The following SUGCT variants were observed in gnomAD, a reference collection of about 807,000 sequenced individuals.
SUGCT encodes the protein succinyl-CoA:glutarate-CoA transferase.
Under a neutral mutation model 55.0 loss-of-function variants are expected in SUGCT, and 41 were observed. The ratio of observed to expected loss-of-function variants is 0.74; its 90% CI spans 0.58 to 0.97. The LOEUF is 0.97. Among genes scored for constraint, SUGCT ranks in the 50% least tolerant of loss-of-function variants. The pLI, the probability that SUGCT is intolerant of heterozygous loss-of-function variation, is 0.00. For synonymous variants in SUGCT, 187 were observed against 200.4 expected (o/e 0.93, Z 0.56); for missense variants, 568 against 547.8 (o/e 1.04, Z -0.37).
intron 13 of SUGCT, among the ~76,000 whole-genome samples, chr7:40,848,416 T>C (rs1793687423): frequency 6.6e-6 from 1 of 152,178 alleles, no homozygotes; most frequent in Non-Finnish European, 1.5e-5. Context: ...GCTGTGTCTA[T>C]GGCTCGTGTT....
chr7:40,377,705 G>A (rs935908760), intron 9 of SUGCT, among the ~76,000 whole-genome samples: 22 of 152,192 alleles, frequency 1.4e-4, no homozygotes, highest in Admixed American at 1.4e-3. Context: ...CTTTATTTAT[G>A]TGGATTTTAG....
At chr7:40,930,246 T>C in the SUGCT span, among the ~76,000 whole-genome samples, 1 of 152,234 alleles carries the variant, frequency 6.6e-6, no homozygotes, top group Non-Finnish European at 1.5e-5. Context: ...AGTGGTGTTA[T>C]TTCTGAGGCC....
chr7:40,739,414 G>A (rs1194574293), intron 12 of SUGCT, among the ~76,000 whole-genome samples: 2 of 152,180 alleles, frequency 1.3e-5, no homozygotes, highest in African/African-American at 4.8e-5. Flanking sequence ...AGGTTGTTGT[G>A]TGAATCAATA....
rs140021766 is a variant in SUGCT, at chr7:40,789,251, A to G, written c.1153+39754A>G. On this transcript the variant is annotated intron_variant, in intron 13 of 13. Coordinates refer to ENST00000335693, the MANE Select transcript of SUGCT (RefSeq NM_001193313.2). Reference sequence around the variant, plus strand: ...CATAATTGAAACTTTATGCCCATTGATTAGCAATTTCCCATTCCCCTCCCT... The same window carrying G: ...CATAATTGAAACTTTATGCCCATTGGTTAGCAATTTCCCATTCCCCTCCCT... Among the ~76,000 whole-genome samples, 524 of 152,256 alleles carry G rather than the reference A, an allele frequency of 3.4e-3. 2 individuals carry two copies. The highest frequency in any genetic ancestry group is 0.02 in the Middle Eastern group (6 of 294).
the SUGCT span, among the ~76,000 whole-genome samples, chr7:40,985,418 C>T: frequency 6.6e-6 from 1 of 152,024 alleles, no homozygotes; most frequent in African/African-American, 2.4e-5. Context: ...GGAAATGACA[C>T]GACTTGAGTG....
intron 1 of SUGCT, among the ~76,000 whole-genome samples, chr7:40,149,251 C>T (rs1196979464): frequency 6.6e-6 from 1 of 152,176 alleles, no homozygotes; most frequent in African/African-American, 2.4e-5. Context: ...CTTCCTGAAA[C>T]CGCCTTTGCA....
At chr7:40,153,200 A>G in intron 1 of SUGCT, 1 of 356,300 alleles carries the variant, frequency 2.8e-6, no homozygotes, top group Non-Finnish European at 5.4e-6. Context: ...CCAGCCATCA[A>G]AGGAGATAGC....
intron 1 of SUGCT, among the ~76,000 whole-genome samples, chr7:40,179,489 G>A (rs1785079892): frequency 6.6e-6 from 1 of 152,036 alleles, no homozygotes; most frequent in African/African-American, 2.4e-5. Context: ...GACAGGGTTG[G>A]CCAGGCTGGT....
At chr7:40,256,232 T>A (rs1453597704) in intron 7 of SUGCT, among the ~76,000 whole-genome samples, 1 of 152,122 alleles carries the variant, frequency 6.6e-6, no homozygotes, top group Non-Finnish European at 1.5e-5. Context: ...CATTTTTGGG[T>A]TGTGGATTAA....
intron 8 of SUGCT, among the ~76,000 whole-genome samples, chr7:40,288,496 T>C (rs1793501074): frequency 6.6e-6 from 1 of 152,126 alleles, no homozygotes; most frequent in South Asian, 2.1e-4. Flanking sequence ...TTTTTTTTCT[T>C]GGATAAAAAC....
chr7:40,960,989 GTTC>G, the SUGCT span, among the ~76,000 whole-genome samples: 1 of 152,276 alleles, frequency 6.6e-6, no homozygotes, highest in South Asian at 2.1e-4. Flanking sequence ...GAAGTTGCAT[GTTC>G]TTCTTAAAAG....
intron 6 of SUGCT, among the ~76,000 whole-genome samples, chr7:40,220,675 C>A (rs1787968988): frequency 6.6e-6 from 1 of 152,214 alleles, no homozygotes; most frequent in South Asian, 2.1e-4. Flanking sequence ...CACAATTCCA[C>A]AAATACATAG....
intron 12 of SUGCT, among the ~76,000 whole-genome samples, chr7:40,539,993 T>C (rs1285772812): frequency 6.6e-6 from 1 of 152,198 alleles, no homozygotes; most frequent in East Asian, 1.9e-4. Flanking sequence ...GTTTTCCTAC[T>C]GGTTTGAGGT....
chr7:40,328,475 G>T (rs1796124093), intron 9 of SUGCT, among the ~76,000 whole-genome samples: 1 of 152,130 alleles, frequency 6.6e-6, no homozygotes, highest in African/African-American at 2.4e-5. Context: ...ACAGAGCTGG[G>T]ATGGGAAGGA....
chr7:41,028,628 T>C, the SUGCT span, among the ~76,000 whole-genome samples: 1 of 152,230 alleles, frequency 6.6e-6, no homozygotes, highest in Non-Finnish European at 1.5e-5. Flanking sequence ...TGTTACATAA[T>C]GATAAGCATT....
chr7:40,688,862 A>G (rs1784572465), intron 12 of SUGCT, among the ~76,000 whole-genome samples: 2 of 152,178 alleles, frequency 1.3e-5, no homozygotes, highest in Admixed American at 1.3e-4. Flanking sequence ...AAAATTAAGT[A>G]TTTAAATTCT....
chr7:40,540,723 G>A (rs946582989), intron 12 of SUGCT, among the ~76,000 whole-genome samples: 6 of 152,228 alleles, frequency 3.9e-5, no homozygotes, highest in African/African-American at 1.4e-4. Flanking sequence ...CCATAAAAGT[G>A]AATAATGAAG....
intron 13 of SUGCT, among the ~76,000 whole-genome samples, chr7:40,827,255 T>G (rs969048913): frequency 5.9e-5 from 9 of 151,974 alleles, no homozygotes; most frequent in African/African-American, 2.2e-4. Flanking sequence ...TGGCAAAGGA[T>G]CAAAGGTGAT....
At chr7:40,642,821 C>T (rs1175622894) in intron 12 of SUGCT, among the ~76,000 whole-genome samples, 2 of 152,156 alleles carry the variant, frequency 1.3e-5, no homozygotes, top group Non-Finnish European at 2.9e-5. Flanking sequence ...GAAACACCCA[C>T]CTCACCGCCT....
Sources: allele counts gnomAD v4.1 joint callset (sites outside exome capture counted in the v4.1 genomes callset), GRCh38; gene constraint gnomAD v4.1.1; transcripts MANE v1.5; gene names NCBI Gene and HGNC (gene_info 2026-07-23, HGNC 2026-07-21).